Variants in ATRNL1 observed in about 807,000 individuals in gnomAD.
The protein encoded by ATRNL1 is attractin-like protein 1.
Under a neutral mutation model 182.7 loss-of-function variants are expected in ATRNL1, and 95 were observed. The ratio of observed to expected loss-of-function variants is 0.52; its 90% CI spans 0.44 to 0.62. The LOEUF (loss-of-function observed/expected upper bound fraction) is 0.62. ATRNL1 is among the 20% of genes least tolerant of loss of function. The pLI, the probability that ATRNL1 is intolerant of heterozygous loss-of-function variation, is 0.00. For synonymous variants in ATRNL1, 576 were observed against 568.3 expected (o/e 1.01, Z -0.19); for missense variants, 1,471 against 1,679.5 (o/e 0.88, Z 2.17).
chr10:115,928,707 T>G (rs1472626311), intron 28 of ATRNL1, among the ~76,000 whole-genome samples: 3 of 151,984 alleles, frequency 2.0e-5, no homozygotes, highest in African/African-American at 7.2e-5. Context: ...CAGATTTTTT[T>G]TAAATAGAGA....
rs1190289012 is a variant in ATRNL1 at position 115,790,080 on chromosome 10, A to AT, written c.3904-57790dup. On this transcript the variant is annotated intron_variant, in intron 27 of 28. Transcript: ENST00000355044. ...ATTCCATTAAATATTCTATGCTTTT[A>AT]TTTTTTTCAGACACATTTTCTTGTA... 4.0e-5 allele frequency among the ~76,000 whole-genome samples: 6 copies of AT among 150,762 alleles called. No individual in the cohort carries two copies. In the East Asian group the frequency reaches 1.2e-3, roughly 29 times the overall value.
intron 19 of ATRNL1, among the ~76,000 whole-genome samples, chr10:115,364,315 C>G (rs1349929488): frequency 3.2e-5 from 4 of 125,748 alleles, no homozygotes; most frequent in Admixed American, 2.5e-4. Flanking sequence ...ATTTGGCTCT[C>G]TGTTTGTCTG....
chr10:115,329,946 A>C (rs1264087810), intron 18 of ATRNL1, among the ~76,000 whole-genome samples: 1 of 152,052 alleles, frequency 6.6e-6, no homozygotes, highest in Non-Finnish European at 1.5e-5. Flanking sequence ...TTTGTAGAAC[A>C]TTTCTTTCTT....
Position 115,587,629 on chromosome 10 carries a change from C to T in ATRNL1, c.3795+38093C>T, listed in dbSNP as rs1320283458. Among the ~76,000 whole-genome samples, 5 of 151,900 alleles carry T rather than the reference C, an allele frequency of 3.3e-5. 1 individual carries two copies. Among genetic ancestry groups the T allele is most frequent in the South Asian group, 2.1e-4 (1 of 4,794 alleles). ...CGCCCGCTTCGGCTCGCGCATGGTG[C>T]GTGCACCCACTGACCTGCACCCACT... On this transcript the variant is annotated intron_variant, in intron 26 of 28. Coordinates refer to ENST00000355044, the MANE Select transcript of ATRNL1 (RefSeq NM_207303.4).
intron 28 of ATRNL1, among the ~76,000 whole-genome samples, chr10:115,922,450 C>G (rs1001086357): frequency 1.3e-5 from 2 of 151,958 alleles, no homozygotes; most frequent in Non-Finnish European, 2.9e-5. Flanking sequence ...ATCTAGCTAG[C>G]TATTTATTTA....
At chr10:115,155,503 G>A (rs1021903236) in intron 5 of ATRNL1, among the ~76,000 whole-genome samples, 1 of 152,036 alleles carries the variant, frequency 6.6e-6, no homozygotes, top group Admixed American at 6.6e-5. Flanking sequence ...TTAAACTGAA[G>A]CTTAGAGAAA....
intron 26 of ATRNL1, among the ~76,000 whole-genome samples, chr10:115,641,799 A>G (rs1859263838): frequency 6.6e-6 from 1 of 151,978 alleles, no homozygotes. Context: ...GAAGGGACAG[A>G]AAAACAAGGT....
At chr10:115,094,729 G>T (rs1408983478) in intron 1 of ATRNL1, among the ~76,000 whole-genome samples, 1 of 152,200 alleles carries the variant, frequency 6.6e-6, no homozygotes, top group Admixed American at 6.5e-5. Context: ...GGATTACACA[G>T]TAGTAAGGGC....
chr10:115,540,899 T>TA, intron 25 of ATRNL1, among the ~76,000 whole-genome samples: 1 of 152,078 alleles, frequency 6.6e-6, no homozygotes, highest in South Asian at 2.1e-4. Context: ...TACCTATGCG[T>TA]ATGGGAAAGG....
intron 27 of ATRNL1, among the ~76,000 whole-genome samples, chr10:115,838,300 A>G (rs1455466217): frequency 2.0e-5 from 3 of 152,224 alleles, no homozygotes; most frequent in Admixed American, 6.5e-5. Context: ...GGATGGTTAC[A>G]GACTGTCAAG....
rs533229063 is a variant in ATRNL1, at chr10:115,584,199, G to C, written c.3795+34663G>C. ...TGCATCAATGTTCATCAAGGATATT[G>C]GTCTAAAATTCTCTTTTTTGGTTGT... On this transcript the variant is annotated intron_variant, in intron 26 of 28. Transcript: ENST00000355044. 7.9e-3 allele frequency among the ~76,000 whole-genome samples: 1,166 copies of C among 147,576 alleles called. 16 individuals are homozygous for C. Among genetic ancestry groups the C allele is most frequent in the African/African-American group, 0.027 (1,103 of 40,714 alleles).
intron 28 of ATRNL1, among the ~76,000 whole-genome samples, chr10:115,915,549 T>C (rs1206359021): frequency 6.6e-6 from 1 of 152,136 alleles, no homozygotes; most frequent in African/African-American, 2.4e-5. Context: ...TATAAATATA[T>C]GTATTGGTAT....
At chr10:115,476,261 T>G (rs1056364950) in intron 24 of ATRNL1, among the ~76,000 whole-genome samples, 1 of 151,404 alleles carries the variant, frequency 6.6e-6, no homozygotes, top group Non-Finnish European at 1.5e-5. Context: ...TAGTTTTCGC[T>G]ATGGTCAGAG....
chr10:115,285,775 G>A (rs1852582549), intron 14 of ATRNL1, among the ~76,000 whole-genome samples: 1 of 152,094 alleles, frequency 6.6e-6, no homozygotes, highest in African/African-American at 2.4e-5. Flanking sequence ...CTGAGCTATA[G>A]AAATTAGATT....
chr10:115,797,958 C>A (rs868948536), intron 27 of ATRNL1, among the ~76,000 whole-genome samples: 12 of 152,078 alleles, frequency 7.9e-5, no homozygotes, highest in Admixed American at 3.9e-4. Flanking sequence ...CGCTCTGTTG[C>A]CCAGGCTGCA....
At chr10:115,494,654 G>T (rs1849456829) in intron 24 of ATRNL1, among the ~76,000 whole-genome samples, 1 of 152,098 alleles carries the variant, frequency 6.6e-6, no homozygotes, top group African/African-American at 2.4e-5. Context: ...ATTGATCTAG[G>T]TATGTTGAAC....
At chr10:115,526,564 A>C (rs552207910) in intron 25 of ATRNL1, among the ~76,000 whole-genome samples, 1 of 152,312 alleles carries the variant, frequency 6.6e-6, no homozygotes, top group Admixed American at 6.5e-5. Context: ...GGTGAAATCC[A>C]GCAATTTAAG....
chr10:115,337,200 A>G (rs782373110), intron 19 of ATRNL1, among the ~76,000 whole-genome samples: 10 of 151,948 alleles, frequency 6.6e-5, no homozygotes, highest in Non-Finnish European at 1.3e-4. Flanking sequence ...TCAATTTTTA[A>G]TTTTGTGGGT....
At chr10:115,155,272 T>C (rs1346836159) in intron 5 of ATRNL1, among the ~76,000 whole-genome samples, 1 of 152,022 alleles carries the variant, frequency 6.6e-6, no homozygotes, top group African/African-American at 2.4e-5. Context: ...CAGTCTGTGT[T>C]TTTTAAGTGG....
Sources: allele counts gnomAD v4.1 joint callset (sites outside exome capture counted in the v4.1 genomes callset), GRCh38; gene constraint gnomAD v4.1.1; transcripts MANE v1.5; gene names NCBI Gene and HGNC (gene_info 2026-07-23, HGNC 2026-07-21).